MAPK11: variants seen among roughly 807,000 people sequenced by gnomAD.
The protein encoded by MAPK11 is mitogen-activated protein kinase 11, also known as MAP kinase 11.
In MAPK11, 44 loss-of-function variants were observed where a neutral mutation model predicts 52.2. That is an observed-to-expected ratio of 0.84 (90% confidence interval 0.66 to 1.08). The LOEUF (loss-of-function observed/expected upper bound fraction) is 1.08, where lower values mean the gene tolerates loss of function less well. Ranked by LOEUF, MAPK11 falls within the 50% of genes least tolerant of loss-of-function variation. The pLI is 0.00. For missense variants in MAPK11, 436 were observed against 494.7 expected, an observed-to-expected ratio of 0.88 and a Z score of 1.13; for synonymous variants, 233 against 206.3, an observed-to-expected ratio of 1.13 and a Z score of -1.11.
In MAPK11 at chr22:50,264,747, C is replaced by CATGTG. The variant is rs2065248520; in HGVS notation, c.*200_*201insCACAT. 1.8e-6 allele frequency: 1 copy of CATGTG among 550,984 alleles called. No homozygotes were observed. The highest frequency in any genetic ancestry group is 3.3e-6 in the Non-Finnish European group (1 of 305,266). The allele number at this position is 550,984 out of a possible 1,614,324, so 34.1% of individuals were successfully genotyped here. The stretch of plus-strand genomic sequence containing the variant: ...AGGCCCAGGGACACTTGTGCCCAGA[C>CATGTG]TCCTACACATGGCAAGCACATGTAC... On this transcript the variant is annotated 3_prime_UTR_variant, in exon 12 of 12. Transcript: ENST00000330651.
At chr22:50,267,101 T>C (rs1417985343) in intron 6 of MAPK11, 26 bp downstream of exon 6, 2 of 1,610,972 alleles carry the variant, frequency 1.2e-6, no homozygotes, top group South Asian at 2.2e-5. Flanking sequence ...GCCGCCGCCC[T>C]GCCCACCCCT....
rs773432716 is a variant in MAPK11, at chr22:50,266,995, C to T, written c.549G>A (p.Val183=). The T allele has an allele frequency of 6.2e-7, 1 of 1,612,672 alleles. No homozygotes were observed. The highest frequency in any genetic ancestry group is 8.5e-7 in the Non-Finnish European group (1 of 1,179,982). The change falls in exon 7 of 12, where the codon GTG becomes GTA. Residue 183 remains valine, a synonymous_variant. Coordinates refer to ENST00000330651, the MANE Select transcript of MAPK11 (RefSeq NM_002751.7). ...RQADEEMTGY[V]ATRWYRAPEI... is the part of the protein sequence containing the mutation. ...CAGGTGCCCGGTACCAGCGCGTGGCCACATAGCCGGTCATCTCCTCGTCCG... is the reference window on the plus strand; with the variant it reads ...CAGGTGCCCGGTACCAGCGCGTGGCTACATAGCCGGTCATCTCCTCGTCCG...
At chr22:50,267,984 G>T in intron 1 of MAPK11, 35 bp from the exon 2 acceptor site, 1 of 1,509,512 alleles carries the variant, frequency 6.6e-7, no homozygotes, top group Non-Finnish European at 8.8e-7. Context: ...CGCCGGGAGG[G>T]GTCCGAGGGC....
At position 50,264,077 on chromosome 22, in the gene MAPK11, A is replaced by C. The variant is rs2065243687; in HGVS notation, c.*871T>G. 7.1e-6 allele frequency: 1 copy of C among 140,804 alleles called. No homozygotes were observed. The highest frequency in any genetic ancestry group is 1.6e-5 in the Non-Finnish European group (1 of 64,288). 8.7% of individuals were successfully genotyped at this position (140,804 alleles called of 1,614,324 possible). A position where few individuals can be genotyped will look rare whatever the true frequency, so the allele number is the denominator to read the frequency against. ...CACCCACCCACCCCCAGCCTCAGGA[A>C]GCTGCTGTGGGTCCCACATCCAAGG... On this transcript the variant is annotated 3_prime_UTR_variant, in exon 12 of 12. Coordinates refer to ENST00000330651, the MANE Select transcript of MAPK11 (RefSeq NM_002751.7).
At chr22:50,265,143 C>G (rs1601651636) in intron 11 of MAPK11, 116 bp from the exon 12 acceptor site, 3 of 1,196,972 alleles carry the variant, frequency 2.5e-6, no homozygotes, top group East Asian at 2.4e-5. Flanking sequence ...AGCCTCAGCA[C>G]AGTCTGGGAG....
rs2065297639 is a variant in MAPK11, at chr22:50,270,194, G to T, written c.99C>A (p.Gly33=). The change falls in exon 1 of 12, where the codon GGC becomes GGA. Residue 33 remains glycine, a synonymous_variant. Coordinates refer to ENST00000330651, the MANE Select transcript of MAPK11 (RefSeq NM_002751.7). This position sits in a 1 kb window ranked among gnomAD's most constrained non-coding sequence, Gnocchi z 6.3. ...RLQGLRPVGS[G]AYGSVCSAYD... is the part of the protein sequence containing the mutation. ...GCCCCTACCAGACGGAGCCGTAGGCGCCGGAGCCCACCGGGCGCAGCCCCT... is the reference window on the plus strand; with the variant it reads ...GCCCCTACCAGACGGAGCCGTAGGCTCCGGAGCCCACCGGGCGCAGCCCCT... 1.3e-6 allele frequency: 2 copies of T among 1,483,510 alleles called. No homozygotes were observed. The highest frequency in any genetic ancestry group is 1.8e-6 in the Non-Finnish European group (2 of 1,121,386). 91.9% of individuals were successfully genotyped at this position (1,483,510 alleles called of 1,614,324 possible). A position where few individuals can be genotyped will look rare whatever the true frequency, so the allele number is the denominator to read the frequency against.
In MAPK11 at chr22:50,267,569, A is replaced by G. The variant is rs1313895578; in HGVS notation, c.305T>C (p.Val102Ala). The G allele has an allele frequency of 6.5e-7, 1 of 1,546,376 alleles. No individual in the cohort carries two copies. Among genetic ancestry groups the G allele is most frequent in the East Asian group, 2.4e-5 (1 of 41,358 alleles). The part of the protein sequence containing the change: ...PATSIEDFSE[V>A]YLVTTLMGAD... ...CTGCCTCGCCCGCCCCGCCGCTCAC[A>G]CTTCGCTGAAGTCCTCGATGGACGT... The change falls in exon 3 of 12, where the codon GTG becomes GCG. Residue 102 changes from valine (V) to alanine (A), a missense_variant and splice_region_variant. Physicochemically the swap from Val to Ala is moderately conservative, Grantham distance 64. Coordinates refer to ENST00000330651, the MANE Select transcript of MAPK11 (RefSeq NM_002751.7).
intron 1 of MAPK11, among the ~76,000 whole-genome samples, chr22:50,269,350 T>C (rs868718592): frequency 1.3e-5 from 2 of 152,174 alleles, no homozygotes; most frequent in Non-Finnish European, 2.9e-5. Context: ...AACCTGCAAG[T>C]GCCTGGGGCA....
Position 50,267,118 on chromosome 22 carries a change from G to A in MAPK11, c.495+9C>T, listed in dbSNP as rs2066777. On this transcript the variant is annotated intron_variant, in intron 6 of 11. Transcript: ENST00000330651. ...CGCCGCCCTGCCCACCCCTGCCCAC[G>A]GGCCTCACCCTGAGCTCACAGTCCT... 1.9e-6 allele frequency: 3 copies of A among 1,611,674 alleles called. No individual in the cohort carries two copies. Among genetic ancestry groups the A allele is most frequent in the Non-Finnish European group, 1.7e-6 (2 of 1,179,478 alleles).
intron 2 of MAPK11, 64 bp from the exon 3 acceptor site, chr22:50,267,691 G>A: frequency 1.4e-6 from 2 of 1,468,794 alleles, no homozygotes; most frequent in Non-Finnish European, 1.8e-6. Context: ...CTCCCCCCGG[G>A]CCACGCCCCC....
Position 50,270,265 on chromosome 22 carries a change from G to T in MAPK11, c.28C>A (p.Arg10=), listed in dbSNP as rs773430832. The T allele has an allele frequency of 1.4e-6, 2 of 1,434,538 alleles. No homozygotes were observed. The highest frequency in any genetic ancestry group is 1.8e-6 in the Non-Finnish European group (2 of 1,091,546). The allele number at this position is 1,434,538 out of a possible 1,614,324, so 88.9% of individuals were successfully genotyped here. ...CACACGGTCTTGTTCAGCTCCTGCC[G>T]GTAGAAGCCGGCGCGAGGGCCCGAC... MSGPRAGFY[R]QELNKTVWEV... Residue 10 remains arginine, a synonymous_variant, in exon 1 of 12, where the codon CGG becomes AGG. Coordinates refer to ENST00000330651, the MANE Select transcript of MAPK11 (RefSeq NM_002751.7). This position sits in a 1 kb window ranked among gnomAD's most constrained non-coding sequence, Gnocchi z 6.3.
At position 50,267,019 on chromosome 22, in the gene MAPK11, C is replaced by A. The variant is rs201347111; in HGVS notation, c.525G>T (p.Ala175=). ...RILDFGLARQ[A]DEEMTGYVAT... ...CCACATAGCCGGTCATCTCCTCGTC[C>A]GCCTGGCGCGCCAGCCCAAAATCCA... is the stretch of plus-strand genomic sequence containing the variant. The change falls in exon 7 of 12, where the codon GCG becomes GCT. Residue 175 remains alanine (A), a synonymous_variant. Transcript: ENST00000330651. 6.2e-7 allele frequency: 1 copy of A among 1,612,418 alleles called. No homozygotes were observed. Among genetic ancestry groups the A allele is most frequent in the Non-Finnish European group, 8.5e-7 (1 of 1,179,674 alleles).
chr22:50,264,912 C>A lies in MAPK11; in HGVS notation c.*36G>T. On this transcript the variant is annotated 3_prime_UTR_variant, in exon 12 of 12. Transcript: ENST00000330651. ...GCTGTGGAAGGGTGCAGGCCCAAGC[C>A]CCTCCACAGGCTCTCAGGGGCTGCT... 1 of 1,570,516 alleles carries A rather than the reference C, an allele frequency of 6.4e-7. No homozygotes were observed. Among genetic ancestry groups the A allele is most frequent in the Non-Finnish European group, 8.7e-7 (1 of 1,150,484 alleles).
chr22:50,267,489 C>T lies in MAPK11; in HGVS notation c.306-7G>A. ...CAGGGTGGTCACCAAGTACCTGGGG[C>T]GGGGTCAGGGGGTCAGGACAGGGCC... On this transcript the variant is annotated splice_region_variant and splice_polypyrimidine_tract_variant and intron_variant, in intron 3 of 11. Transcript: ENST00000330651. 1.9e-6 allele frequency: 3 copies of T among 1,599,510 alleles called. No homozygotes were observed. Among genetic ancestry groups the T allele is most frequent in the Non-Finnish European group, 2.6e-6 (3 of 1,173,510 alleles).
intron 1 of MAPK11, among the ~76,000 whole-genome samples, chr22:50,269,788 C>T (rs573535546): frequency 2.0e-4 from 30 of 152,302 alleles, no homozygotes; most frequent in African/African-American, 6.7e-4. Flanking sequence ...ATCCGCTAGA[C>T]CCCGGGGGGC....
Position 50,267,181 on chromosome 22 carries a change from G to A in MAPK11, c.448-7C>T. On this transcript the variant is annotated splice_region_variant and splice_polypyrimidine_tract_variant and intron_variant, in intron 5 of 11. Coordinates refer to ENST00000330651, the MANE Select transcript of MAPK11 (RefSeq NM_002751.7). ...CGTTGCTGGGCTTCAGGTCCTGCAG[G>A]TCACGCGGAGCGTGAGCACAGGAGG... The A allele has an allele frequency of 6.2e-7, 1 of 1,611,360 alleles. No individual in the cohort carries two copies. The highest frequency in any genetic ancestry group is 8.5e-7 in the Non-Finnish European group (1 of 1,179,398).
At chr22:50,267,713 G>T (rs1171310843) in intron 2 of MAPK11, 86 bp from the exon 3 acceptor site, 11 of 1,430,552 alleles carry the variant, frequency 7.7e-6, no homozygotes, top group South Asian at 2.8e-5. Context: ...GTGCCAGGCC[G>T]CGCCCCCTGT....
chr22:50,266,128 C>T, intron 9 of MAPK11, 98 bp downstream of exon 9: 4 of 981,214 alleles, frequency 4.1e-6, no homozygotes, highest in Non-Finnish European at 6.0e-6. Context: ...ATCCCATGTT[C>T]CCCATATGGT....
chr22:50,264,856 G>T lies in MAPK11; in HGVS notation c.*92C>A. 1.0e-6 allele frequency: 1 copy of T among 970,504 alleles called. No homozygotes were observed. The highest frequency in any genetic ancestry group is 1.6e-6 in the Non-Finnish European group (1 of 637,266). The allele number at this position is 970,504 out of a possible 1,614,324, so 60.1% of individuals were successfully genotyped here. A position where few individuals can be genotyped will look rare whatever the true frequency, so the allele number is the denominator to read the frequency against. ...GCCAGAAGTCTGTGACCATAGGAGTGTGGGAGGTGCCTCTCGAGGAAACCA... is the reference window on the plus strand; with the variant it reads ...GCCAGAAGTCTGTGACCATAGGAGTTTGGGAGGTGCCTCTCGAGGAAACCA... On this transcript the variant is annotated 3_prime_UTR_variant, in exon 12 of 12. Coordinates refer to ENST00000330651, the MANE Select transcript of MAPK11 (RefSeq NM_002751.7).
Sources: allele counts gnomAD v4.1 joint callset (sites outside exome capture counted in the v4.1 genomes callset), GRCh38; gene constraint gnomAD v4.1.1; non-coding constraint Gnocchi (gnomAD v3.1); transcripts MANE v1.5; gene names NCBI Gene and HGNC (gene_info 2026-07-23, HGNC 2026-07-21).